The following STAB2 variants were observed in gnomAD, a reference collection of about 807,000 sequenced individuals.
The protein encoded by STAB2 is stabilin-2.
In STAB2, 288 loss-of-function variants were observed where a neutral mutation model predicts 338.1. The observed-to-expected ratio is 0.85, with a 90% CI of 0.77 to 0.94. The LOEUF (loss-of-function observed/expected upper bound fraction) is 0.94. Ranked by LOEUF, STAB2 falls within the 40% of genes least tolerant of loss-of-function variation. The pLI is 0.00. For missense variants in STAB2, 3,141 were observed against 3,210.1 expected (o/e 0.98, Z 0.52); for synonymous variants, 1,202 against 1,193.3 (o/e 1.01, Z -0.15).
Position 103,637,110 on chromosome 12 carries a change from G to A in STAB2, c.584-1G>A, listed in dbSNP as rs1565976463. The A allele has an allele frequency of 3.1e-6, 5 of 1,599,632 alleles. No individual in the cohort carries two copies. The highest frequency in any genetic ancestry group is 4.3e-6 in the Non-Finnish European group (5 of 1,174,924). ...AGTACTTCAACAATTTTCCTATGCA[G>A]CCATCCCTGAATGTGCAGCCTTGCT... On this transcript the variant is annotated splice_acceptor_variant, in intron 6 of 68. Transcript: ENST00000388887. LOFTEE classifies it high-confidence loss of function.
chr12:103,760,642 G>C (rs890102345), intron 65 of STAB2, among the ~76,000 whole-genome samples: 3 of 152,166 alleles, frequency 2.0e-5, no homozygotes, highest in Non-Finnish European at 4.4e-5. Context: ...AGATGACCGT[G>C]GGGGTAGCGG....
At chr12:103,715,670 C>G in intron 42 of STAB2, 145 bp from the exon 43 acceptor site, 3 of 847,070 alleles carry the variant, frequency 3.5e-6, no homozygotes, top group Non-Finnish European at 5.6e-6. Flanking sequence ...TCAGTTATTT[C>G]TGTCTCAGAA....
chr12:103,590,826 T>C (rs1036859216), intron 1 of STAB2, 71 bp from the exon 2 acceptor site: 25 of 1,576,792 alleles, frequency 1.6e-5, no homozygotes, highest in Admixed American at 3.4e-5. Flanking sequence ...GTGGAGAAGA[T>C]TGGCCATGCT....
intron 34 of STAB2, among the ~76,000 whole-genome samples, chr12:103,700,892 ATG>A (rs1474503170): frequency 2.6e-5 from 4 of 151,882 alleles, no homozygotes; most frequent in Non-Finnish European, 4.4e-5. Flanking sequence ...CATGTGCACA[ATG>A]TGCAGGTTAG....
At chr12:103,754,906 A>G (rs1026391568) in intron 61 of STAB2, among the ~76,000 whole-genome samples, 1 of 151,544 alleles carries the variant, frequency 6.6e-6, no homozygotes, top group Non-Finnish European at 1.5e-5. Context: ...AGATCATGCC[A>G]CTGCCCTTTA....
At chr12:103,664,105 C>A (rs901852830) in intron 18 of STAB2, among the ~76,000 whole-genome samples, 4 of 90,212 alleles carry the variant, frequency 4.4e-5, no homozygotes, top group Non-Finnish European at 1.1e-4. Context: ...AACTTTTTGG[C>A]TCAGCCAGTT....
chr12:103,747,697 A>G (rs1883178626), intron 58 of STAB2, among the ~76,000 whole-genome samples: 1 of 152,188 alleles, frequency 6.6e-6, no homozygotes, highest in Non-Finnish European at 1.5e-5. Context: ...CTATTATTAC[A>G]GAAAAAAAGA....
chr12:103,692,703 A>G, intron 30 of STAB2, 109 bp from the exon 31 acceptor site: 1 of 843,728 alleles, frequency 1.2e-6, no homozygotes, highest in Non-Finnish European at 1.9e-6. Flanking sequence ...GTCTTGGCCC[A>G]AAAGTATGAA....
rs1221512170 is a variant in STAB2, at chr12:103,737,654, C to T, written c.5571C>T (p.Gly1857=). Residue 1857 remains glycine, a synonymous_variant, in exon 53 of 69, where the codon GGC becomes GGT. Coordinates refer to ENST00000388887, the MANE Select transcript of STAB2 (RefSeq NM_017564.10). Reference sequence around the variant, plus strand: ...CTTAGGGTGACCTCTTTCTGAATGGCCAAACCTGCAGAATTGTGCAGCGGG... The same window carrying T: ...CTTAGGGTGACCTCTTTCTGAATGGTCAAACCTGCAGAATTGTGCAGCGGG... The part of the protein sequence containing the change: ...GRDIGDLFLN[G]QTCRIVQREL... 1.3e-6 allele frequency: 2 copies of T among 1,595,162 alleles called. No individual in the cohort carries two copies. The highest frequency in any genetic ancestry group is 1.4e-5 in the African/African-American group (1 of 72,244).
At chr12:103,658,075 A>G (rs1389847950) in intron 15 of STAB2, 1 of 152,242 alleles carries the variant, frequency 6.6e-6, no homozygotes, top group Non-Finnish European at 1.5e-5. Context: ...TCAAGGTTTC[A>G]TCACTGAACC....
intron 67 of STAB2, chr12:103,763,200 C>T: frequency 3.1e-6 from 1 of 323,242 alleles, no homozygotes; most frequent in Non-Finnish European, 5.8e-6. Flanking sequence ...CAGCAGTTAC[C>T]CTGGGTGGCA....
At chr12:103,592,373 G>A (rs1991436) in intron 2 of STAB2, 89,051 of 151,984 alleles carry the variant, frequency 0.59, 27,743 homozygotes, top group African/African-American at 0.82. Context: ...ACTTGGTTAT[G>A]TTCCAATACA....
At position 103,637,167 on chromosome 12, in the gene STAB2, A is replaced by G. The variant is rs768462973; in HGVS notation, c.640A>G (p.Thr214Ala). 6.2e-7 allele frequency: 1 copy of G among 1,613,008 alleles called. No individual in the cohort carries two copies. The highest frequency in any genetic ancestry group is 1.7e-5 in the Admixed American group (1 of 59,608). ...AGAAAATTCCAGATGTTCGCCTTCC[A>G]CTGAAGATGAAAACAAACTGGAATG... ...CPENSRCSPSTEDENKLECKC... is the reference protein window; with the variant it reads ...CPENSRCSPSAEDENKLECKC... Residue 214 changes from threonine to alanine, a missense_variant, in exon 7 of 69, where the codon ACT becomes GCT. By Grantham distance (58) the Thr-to-Ala change is moderately conservative (BLOSUM62 0). Coordinates refer to ENST00000388887, the MANE Select transcript of STAB2 (RefSeq NM_017564.10).
rs564914167 is a variant in STAB2 at position 103,761,112 on chromosome 12, T to C, written c.7249-188T>C. 2.0e-5 allele frequency among the ~76,000 whole-genome samples: 3 copies of C among 152,288 alleles called. No individual in the cohort carries two copies. The South Asian group carries it at 6.2e-4, about 32-fold the overall frequency. On this transcript the variant is annotated intron_variant, in intron 65 of 68. Coordinates refer to ENST00000388887, the MANE Select transcript of STAB2 (RefSeq NM_017564.10). ...GGTTCTCTGCAGCCCTCAGATCAGC[T>C]TGTTGGCACAGGACAATTAATGTGT...
intron 54 of STAB2, 63 bp downstream of exon 54, chr12:103,739,531 G>A (rs1741249556): frequency 7.1e-6 from 1 of 140,324 alleles, no homozygotes; most frequent in Non-Finnish European, 1.2e-5. Context: ...TCAGACCTGT[G>A]TGTGTGTGTG....
intron 3 of STAB2, among the ~76,000 whole-genome samples, chr12:103,599,855 A>G (rs1234066182): frequency 1.3e-5 from 2 of 152,188 alleles, no homozygotes; most frequent in Non-Finnish European, 2.9e-5. Context: ...TGTGTTTCTC[A>G]GATCACCAGT....
In STAB2 at chr12:103,762,307, T is replaced by A. The variant is rs1884595356; in HGVS notation, c.7393T>A (p.Phe2465Ile). 1 of 1,614,236 alleles carries A rather than the reference T, an allele frequency of 6.2e-7. No homozygotes were observed. ...LTHTGLGAGIFFAIILVTGAV... is the reference protein window; with the variant it reads ...LTHTGLGAGIIFAIILVTGAV... ...CCACACTGGCTTGGGAGCAGGGATC[T>A]TCTTTGCCATCATCCTGGTGACTGG... Residue 2465 changes from phenylalanine to isoleucine, a missense_variant, in exon 67 of 69, where the codon TTC (phenylalanine) becomes ATC (isoleucine). Transcript: ENST00000388887.
chr12:103,709,823 C>G (rs1386481162), intron 39 of STAB2, among the ~76,000 whole-genome samples: 1 of 152,170 alleles, frequency 6.6e-6, no homozygotes, highest in African/African-American at 2.4e-5. Context: ...AATGGGGTCA[C>G]ATAAACAGTA....
intron 3 of STAB2, among the ~76,000 whole-genome samples, chr12:103,600,544 C>A (rs904840555): frequency 2.6e-5 from 4 of 152,216 alleles, no homozygotes; most frequent in Non-Finnish European, 4.4e-5. Context: ...AACCTAAACA[C>A]CTCCCAAAGG....
Sources: allele counts gnomAD v4.1 joint callset (sites outside exome capture counted in the v4.1 genomes callset), GRCh38; gene constraint gnomAD v4.1.1; transcripts MANE v1.5; gene names NCBI Gene and HGNC (gene_info 2026-07-23, HGNC 2026-07-21).